MAF: variants seen among roughly 807,000 people sequenced by gnomAD.
The protein encoded by MAF is MAF bZIP transcription factor.
MAF carries 10 observed loss-of-function variants against 22.0 expected under a neutral mutation model. That is an observed-to-expected ratio of 0.45 (90% confidence interval 0.28 to 0.77). MAF has a LOEUF of 0.77. Among genes scored for constraint, MAF ranks in the 30% least tolerant of loss-of-function variants. The pLI, the probability that MAF is intolerant of heterozygous loss-of-function variation, is 0.12. For synonymous variants in MAF, 337 were observed against 255.8 expected (o/e 1.32, Z -3.03); for missense variants, 544 against 548.4 (o/e 0.99, Z 0.08).
chr16:79,593,215 G>C (rs1346842621), downstream of MAF, among the ~76,000 whole-genome samples: 1 of 152,204 alleles, frequency 6.6e-6, no homozygotes, highest in Admixed American at 6.5e-5. Flanking sequence ...GAATACGGAA[G>C]TAAGTTGGCC....
the MAF span, among the ~76,000 whole-genome samples, chr16:79,461,577 G>A: frequency 2.6e-5 from 4 of 152,156 alleles, no homozygotes; most frequent in East Asian, 3.9e-4. Flanking sequence ...CACATGGTAC[G>A]TCTAACTGCA....
chr16:79,488,059 A>C, the MAF span, among the ~76,000 whole-genome samples: 1 of 152,232 alleles, frequency 6.6e-6, no homozygotes, highest in Admixed American at 6.5e-5. Flanking sequence ...GAAAAGTAGA[A>C]GTCTCAAGAC....
rs1181784328 is a variant in MAF, at chr16:79,600,091, GC to G, written c.-190del. 357 of 647,610 alleles carry G rather than the reference GC, an allele frequency of 5.5e-4. 7 individuals are homozygous for G. In the South Asian group the frequency reaches 7.5e-3, roughly 14 times the overall value. The allele number at this position is 647,610 out of a possible 1,614,324, so 40.1% of individuals were successfully genotyped here. A position where few individuals can be genotyped will look rare whatever the true frequency, so the allele number is the denominator to read the frequency against. On this transcript the variant is annotated 5_prime_UTR_variant, in exon 1 of 2. Coordinates refer to ENST00000326043, the MANE Select transcript of MAF (RefSeq NM_005360.5). ...ACACACACCCCCCCGCCCTGCCCGC[GC>G]CCCCCGCGCCCGCCCTCCCTCCCCC...
At chr16:79,377,557 T>G in the MAF span, among the ~76,000 whole-genome samples, 1 of 152,226 alleles carries the variant, frequency 6.6e-6, no homozygotes, top group South Asian at 2.1e-4. Context: ...CAATTTTGGC[T>G]TTTGTTGCCG....
At chr16:79,511,049 G>T in the MAF span, among the ~76,000 whole-genome samples, 1 of 152,190 alleles carries the variant, frequency 6.6e-6, no homozygotes, top group Admixed American at 6.5e-5. Flanking sequence ...GCGGCAGCTG[G>T]GAGGCCAGAA....
Position 79,598,909 on chromosome 16 carries a change from G to C in MAF, c.994C>G (p.Gln332Glu). 6.2e-7 allele frequency: 1 copy of C among 1,613,742 alleles called. No homozygotes were observed. Among genetic ancestry groups the C allele is most frequent in the Non-Finnish European group, 8.5e-7 (1 of 1,179,976 alleles). ...QLLQQVDHLKQEISRLVRERD... is the reference protein window; with the variant it reads ...QLLQQVDHLKEEISRLVRERD... ...TCGCGCACCAGCCTGGAGATCTCCTGCTTGAGGTGGTCGACTTGCTGCAGC... is the reference window on the plus strand; with the variant it reads ...TCGCGCACCAGCCTGGAGATCTCCTCCTTGAGGTGGTCGACTTGCTGCAGC... Residue 332 changes from glutamine (Q) to glutamate (E), a missense_variant, in exon 1 of 2, where the codon CAG becomes GAG. Around this residue, in one of 5 missense-constraint regions of MAF, gnomAD observed 129 missense variants for 113.6 expected, o/e 1.14. Transcript: ENST00000326043.
chr16:79,567,568 T>C, the MAF span, among the ~76,000 whole-genome samples: 39 of 152,278 alleles, frequency 2.6e-4, no homozygotes, highest in Non-Finnish European at 1.2e-4. Flanking sequence ...TGTTTGTATA[T>C]TTTTCCTGTC....
At chr16:79,391,181 A>G in the MAF span, among the ~76,000 whole-genome samples, 4 of 152,160 alleles carry the variant, frequency 2.6e-5, no homozygotes, top group Non-Finnish European at 5.9e-5. Context: ...CCAGTGCTCT[A>G]AGACCTTGGG....
the MAF span, among the ~76,000 whole-genome samples, chr16:79,375,582 A>G: frequency 6.6e-6 from 1 of 152,100 alleles, no homozygotes; most frequent in Non-Finnish European, 1.5e-5. Flanking sequence ...GATGATGATG[A>G]TATATTAATG....
intron 1 of MAF, 31 bp downstream of exon 1, chr16:79,598,754 G>A (rs1169212310): frequency 1.2e-6 from 2 of 1,613,638 alleles, no homozygotes; most frequent in Non-Finnish European, 1.7e-6. Flanking sequence ...ACTTATCAGG[G>A]TGGCTAGCTG....
the MAF span, among the ~76,000 whole-genome samples, chr16:79,473,543 T>C: frequency 5.3e-5 from 8 of 152,056 alleles, no homozygotes; most frequent in Non-Finnish European, 1.0e-4. Context: ...TAAAATGGCA[T>C]GGAGAGAGGA....
chr16:79,427,298 C>T, the MAF span, among the ~76,000 whole-genome samples: 1 of 152,212 alleles, frequency 6.6e-6, no homozygotes, highest in Admixed American at 6.5e-5. Flanking sequence ...AGGGGTATCT[C>T]CTCTGGCTGC....
chr16:79,316,678 TG>T, the MAF span, among the ~76,000 whole-genome samples: 1 of 152,132 alleles, frequency 6.6e-6, no homozygotes, highest in South Asian at 2.1e-4. Context: ...GAAATGTTAC[TG>T]GGGGAAGGAT....
chr16:79,276,652 T>A, the MAF span, among the ~76,000 whole-genome samples: 3 of 152,072 alleles, frequency 2.0e-5, no homozygotes, highest in East Asian at 5.8e-4. Context: ...GGGATCGGAG[T>A]GCAGGAGCCA....
At chr16:79,378,819 A>G in the MAF span, among the ~76,000 whole-genome samples, 6,634 of 152,286 alleles carry the variant, frequency 0.044, 468 homozygotes, top group African/African-American at 0.15. Flanking sequence ...GGCATTTTAA[A>G]TAATGACAAA....
At chr16:79,356,712 T>C in the MAF span, among the ~76,000 whole-genome samples, 1 of 152,190 alleles carries the variant, frequency 6.6e-6, no homozygotes. Context: ...TTATTATGTT[T>C]GCAGGGACAT....
chr16:79,474,626 G>T, the MAF span, among the ~76,000 whole-genome samples: 2 of 152,142 alleles, frequency 1.3e-5, no homozygotes, highest in Non-Finnish European at 2.9e-5. Flanking sequence ...CACAGCGTTG[G>T]AATCTGTCTG....
the MAF span, among the ~76,000 whole-genome samples, chr16:79,208,600 G>A: frequency 1.3e-5 from 2 of 151,496 alleles, no homozygotes; most frequent in African/African-American, 4.9e-5. Context: ...ATGAATGAAA[G>A]TCATCTGATG....
At chr16:79,329,928 A>G in the MAF span, among the ~76,000 whole-genome samples, 1 of 152,094 alleles carries the variant, frequency 6.6e-6, no homozygotes, top group South Asian at 2.1e-4. Context: ...AAGAACAGAC[A>G]CACCATACAA....
Sources: allele counts gnomAD v4.1 joint callset (sites outside exome capture counted in the v4.1 genomes callset), GRCh38; gene constraint gnomAD v4.1.1; regional missense constraint gnomAD v4.1.1; transcripts MANE v1.5; gene names NCBI Gene and HGNC (gene_info 2026-07-23, HGNC 2026-07-21).